The following ELP4 variants were observed in gnomAD, a reference collection of about 807,000 sequenced individuals.
ELP4 encodes the protein elongator complex protein 4.
ELP4 carries 51 observed loss-of-function variants against 48.9 expected under a neutral mutation model. That is an observed-to-expected ratio of 1.04 (90% confidence interval 0.83 to 1.32). The LOEUF is 1.32. Among genes scored for constraint, ELP4 ranks in the 40% most tolerant of loss-of-function variants. The probability of loss-of-function intolerance (pLI) is 0.00; values close to 1 mark genes in which losing one functional copy is unlikely to be tolerated. For synonymous variants in ELP4, 210 were observed against 189.2 expected, an observed-to-expected ratio of 1.11 and a Z score of -0.90; for missense variants, 519 against 514.6, an observed-to-expected ratio of 1.01 and a Z score of -0.08.
chr11:31,616,448 A>G (rs916199439), intron 5 of ELP4, among the ~76,000 whole-genome samples: 1 of 152,108 alleles, frequency 6.6e-6, no homozygotes, highest in African/African-American at 2.4e-5. Flanking sequence ...AGACCTAAAC[A>G]TAAGATTCAA....
intron 3 of ELP4, among the ~76,000 whole-genome samples, chr11:31,592,244 C>T (rs1957592629): frequency 6.6e-6 from 1 of 152,042 alleles, no homozygotes; most frequent in Non-Finnish European, 1.5e-5. Flanking sequence ...TTTTATTTCA[C>T]TTTAAAAAAT....
intron 1 of ELP4, among the ~76,000 whole-genome samples, chr11:31,514,530 G>A (rs189840485): frequency 6.6e-6 from 1 of 152,126 alleles, no homozygotes; most frequent in African/African-American, 2.4e-5. Flanking sequence ...GGATGAAAGG[G>A]GAGAGGAAAT....
intron 3 of ELP4, among the ~76,000 whole-genome samples, chr11:31,588,474 C>T (rs1299263527): frequency 2.0e-5 from 3 of 152,118 alleles, no homozygotes; most frequent in African/African-American, 2.4e-5. Context: ...TTAGATGTTT[C>T]ATTTGTTTGC....
chr11:31,683,061 T>C (rs542833092), intron 9 of ELP4, among the ~76,000 whole-genome samples: 2 of 152,290 alleles, frequency 1.3e-5, no homozygotes, highest in East Asian at 1.9e-4. Flanking sequence ...TATTTACTTA[T>C]TTTTCTTTAC....
At chr11:31,618,970 T>A (rs905322886) in intron 5 of ELP4, among the ~76,000 whole-genome samples, 8 of 151,966 alleles carry the variant, frequency 5.3e-5, no homozygotes, top group Admixed American at 5.3e-4. Flanking sequence ...AAAAGCAGTT[T>A]TAATGGATGG....
chr11:31,656,392 A>G (rs1565098485), intron 9 of ELP4, among the ~76,000 whole-genome samples: 1 of 151,976 alleles, frequency 6.6e-6, no homozygotes, highest in Non-Finnish European at 1.5e-5. Context: ...GAGTAGATTC[A>G]TATTTGGCTA....
intron 3 of ELP4, among the ~76,000 whole-genome samples, chr11:31,587,221 A>G (rs1957490837): frequency 6.6e-6 from 1 of 152,166 alleles, no homozygotes; most frequent in African/African-American, 2.4e-5. Context: ...AACTAAGGTA[A>G]CTCAAGAAAG....
At chr11:31,656,798 T>G (rs1448586159) in intron 9 of ELP4, among the ~76,000 whole-genome samples, 1 of 152,010 alleles carries the variant, frequency 6.6e-6, no homozygotes, top group Non-Finnish European at 1.5e-5. Flanking sequence ...CTTCCTAAGT[T>G]TTGCAGACAT....
At chr11:31,527,590 C>G (rs778749339) in intron 2 of ELP4, among the ~76,000 whole-genome samples, 5 of 152,032 alleles carry the variant, frequency 3.3e-5, no homozygotes, top group Non-Finnish European at 7.4e-5. Flanking sequence ...AACATTAAAT[C>G]CTAATGACTT....
rs992610223 is a variant in ELP4, at chr11:31,784,963, T to G, written c.*1439T>G. ...ATTTCATTAGTACTAAAAATCAGGT[T>G]TCTTATTCTATTTTTTTAGAATGTC... On this transcript the variant is annotated 3_prime_UTR_variant, in exon 10 of 10. Coordinates refer to ENST00000640961, the MANE Select transcript of ELP4 (RefSeq NM_019040.5). The G allele has an allele frequency of 5.5e-6, 1 of 180,466 alleles. No homozygotes were observed. The highest frequency in any genetic ancestry group is 2.4e-5 in the African/African-American group (1 of 42,470). The allele number at this position is 180,466 out of a possible 1,614,324, so 11.2% of individuals were successfully genotyped here.
rs1474424785 is a variant in ELP4 at position 31,652,506 on chromosome 11, A to G, written c.1143+2285A>G. The stretch of plus-strand genomic sequence containing the variant: ...ACAGGGGTAGAAATGCCCTGAAAGT[A>G]ACTAGTTCAAGGATTCCTTTATTGG... On this transcript the variant is annotated intron_variant, in intron 9 of 9. Coordinates refer to ENST00000640961, the MANE Select transcript of ELP4 (RefSeq NM_019040.5). 2.0e-5 allele frequency: 3 copies of G among 151,850 alleles called. No individual in the cohort carries two copies. In the East Asian group the frequency reaches 5.8e-4, roughly 29 times the overall value. 9.4% of individuals were successfully genotyped at this position (151,850 alleles called of 1,614,324 possible).
intron 9 of ELP4, among the ~76,000 whole-genome samples, chr11:31,735,159 CA>C (rs397776294): frequency 1.8e-3 from 201 of 114,722 alleles, no homozygotes; most frequent in African/African-American, 2.8e-3. Context: ...TATCCATTGG[CA>C]AAAAAAAAAA....
intron 3 of ELP4, among the ~76,000 whole-genome samples, chr11:31,545,652 C>T (rs572703139): frequency 5.3e-5 from 8 of 152,072 alleles, no homozygotes; most frequent in African/African-American, 1.7e-4. Context: ...AGATACTCCT[C>T]GAGAGGAGCA....
rs557183682 is a variant in ELP4, at chr11:31,765,206, G to T, written c.1144-18187G>T. 1.2e-4 allele frequency among the ~76,000 whole-genome samples: 19 copies of T among 152,288 alleles called. No individual in the cohort carries two copies. In the South Asian group the frequency reaches 3.5e-3, roughly 28 times the overall value. On this transcript the variant is annotated intron_variant, in intron 9 of 9. Transcript: ENST00000640961. ...GGTAATGGGTATGAAGCTGTTAGAA[G>T]AAGTGACCTTATTCTAAAATTTAAC...
In ELP4 at chr11:31,728,131, A is replaced by G. The variant is rs76771818; in HGVS notation, c.1144-55262A>G. Among the ~76,000 whole-genome samples, 516 of 152,252 alleles carry G rather than the reference A, an allele frequency of 3.4e-3. 2 individuals are homozygous for G. Among genetic ancestry groups the G allele is most frequent in the African/African-American group, 0.011 (447 of 41,570 alleles). ...AAGATGATTATAGGTTTTAAAAGCT[A>G]TTTGCTTTATATCATTAATAAGGAT... On this transcript the variant is annotated intron_variant, in intron 9 of 9. Coordinates refer to ENST00000640961, the MANE Select transcript of ELP4 (RefSeq NM_019040.5).
At position 31,786,707 on chromosome 11, in the gene ELP4, G is replaced by A. The variant is rs1948659698; in HGVS notation, c.*3183G>A. 1 of 225,044 alleles carries A rather than the reference G, an allele frequency of 4.4e-6. No homozygotes were observed. Among genetic ancestry groups the A allele is most frequent in the African/African-American group, 2.2e-5 (1 of 44,936 alleles). 13.9% of individuals were successfully genotyped at this position (225,044 alleles called of 1,614,324 possible). On this transcript the variant is annotated 3_prime_UTR_variant, in exon 10 of 10. Coordinates refer to ENST00000640961, the MANE Select transcript of ELP4 (RefSeq NM_019040.5). ...GATGATAGTAAGAAGAAATGGCAGT[G>A]AGCTGTAGCAAGAAACCAGTTGTTC...
chr11:31,645,069 A>G (rs1051966017), intron 7 of ELP4, among the ~76,000 whole-genome samples: 2 of 151,788 alleles, frequency 1.3e-5, no homozygotes, highest in African/African-American at 2.4e-5. Context: ...GTGAAACTAT[A>G]TAACTAATTT....
chr11:31,742,292 T>G (rs375283667), intron 9 of ELP4, among the ~76,000 whole-genome samples: 1 of 152,090 alleles, frequency 6.6e-6, no homozygotes, highest in Non-Finnish European at 1.5e-5. Flanking sequence ...AAAGTGACGG[T>G]GAGAATGGAA....
intron 1 of ELP4, among the ~76,000 whole-genome samples, chr11:31,518,895 CAAAAA>C (rs34767268): frequency 3.0e-5 from 2 of 66,994 alleles, no homozygotes; most frequent in East Asian, 5.5e-4. Context: ...GACTCTGTCT[CAAAAA>C]AAAAAAAAAA....
Sources: gnomAD v4.1 joint callset for allele counts (sites outside exome capture counted in the v4.1 genomes callset) on GRCh38, gnomAD v4.1.1 for gene constraint, MANE v1.5 for transcripts, NCBI Gene and HGNC (gene_info 2026-07-23, HGNC 2026-07-21) for gene names.